HGF: variants seen among roughly 807,000 people sequenced by gnomAD.
HGF encodes the protein hepatocyte growth factor, also known as fibroblast-derived tumor cytotoxic factor.
HGF carries 39 observed loss-of-function variants against 111.6 expected under a neutral mutation model. That is an observed-to-expected ratio of 0.35 (90% CI 0.27 to 0.46). The LOEUF (loss-of-function observed/expected upper bound fraction) is 0.46. HGF is among the 20% of genes least tolerant of loss of function. The pLI is 1.00. For synonymous variants in HGF, 285 were observed against 294.8 expected (o/e 0.97, Z 0.34); for missense variants, 735 against 910.5 (o/e 0.81, Z 2.48).
At chr7:81,706,591 A>G (rs915519509) in intron 14 of HGF, among the ~76,000 whole-genome samples, 164 bp from the exon 15 acceptor site, 1 of 152,086 alleles carries the variant, frequency 6.6e-6, no homozygotes, top group African/African-American at 2.4e-5. Context: ...CAGATTCTGA[A>G]TACTACAAAC....
chr7:81,740,339 A>G (rs1787963228), intron 7 of HGF, among the ~76,000 whole-genome samples: 1 of 152,204 alleles, frequency 6.6e-6, no homozygotes, highest in Non-Finnish European at 1.5e-5. Flanking sequence ...CGAATAAAAA[A>G]TAATAATTAA....
chr7:81,751,908 T>G, intron 5 of HGF: 1 of 1,388,744 alleles, frequency 7.2e-7, no homozygotes, highest in Non-Finnish European at 9.3e-7. Flanking sequence ...AAATTCAAAC[T>G]GATAACTCGC....
chr7:81,708,178 G>A (rs924489384), intron 13 of HGF, among the ~76,000 whole-genome samples: 1 of 152,014 alleles, frequency 6.6e-6, no homozygotes, highest in Non-Finnish European at 1.5e-5. Flanking sequence ...GTTATTTATG[G>A]CCTTTACCAC....
At position 81,743,382 on chromosome 7, in the gene HGF, C is replaced by A. The variant is rs371502313; in HGVS notation, c.836G>T (p.Arg279Leu). The A allele has an allele frequency of 5.6e-6, 9 of 1,610,394 alleles. No homozygotes were observed. The highest frequency in any genetic ancestry group is 2.2e-5 in the South Asian group (2 of 90,988). The change falls in exon 7 of 18, where the codon CGC becomes CTC. Residue 279 changes from arginine to leucine, a missense_variant. Around this residue, in one of 3 missense-constraint regions of HGF, gnomAD observed 553 missense variants for 685.6 expected, o/e 0.81. Transcript: ENST00000222390. ...PWCYTLDPHT[R>L]WEYCAIKTCA... ...TGTTTTAATTGCACAGTACTCCCAG[C>A]GGGTGTGAGGGTCAAGAGTATAGCA... is the stretch of plus-strand genomic sequence containing the variant.
Position 81,743,937 on chromosome 7 carries a change from G to C in HGF, c.747-466C>G, listed in dbSNP as rs1286517342. On this transcript the variant is annotated intron_variant, in intron 6 of 17. Transcript: ENST00000222390. ...CATGCCCTCACCTTCACCAGATCAT[G>C]AGACAAACTTCATCACACTACTTTC... Among the ~76,000 whole-genome samples the C allele has an allele frequency of 2.0e-5, 3 of 152,136 alleles. No individual in the cohort carries two copies. The East Asian group carries it at 5.8e-4, about 29-fold the overall frequency.
intron 14 of HGF, among the ~76,000 whole-genome samples, chr7:81,707,014 T>G (rs955765286): frequency 4.0e-5 from 6 of 151,648 alleles, no homozygotes; most frequent in East Asian, 3.9e-4. Flanking sequence ...AGGGTACAAG[T>G]AGAAAGTTGG....
intron 7 of HGF, among the ~76,000 whole-genome samples, chr7:81,732,312 G>A (rs555920717): frequency 2.6e-5 from 4 of 152,224 alleles, no homozygotes; most frequent in South Asian, 2.1e-4. Flanking sequence ...TTAAGGATTC[G>A]AACATTGTTG....
chr7:81,761,719 A>C (rs2116230671), intron 2 of HGF, among the ~76,000 whole-genome samples: 1 of 148,774 alleles, frequency 6.7e-6, no homozygotes, highest in Admixed American at 6.8e-5. Context: ...TTCTGGGATC[A>C]CTGGCAAAGT....
rs574028648 is a variant in HGF, at chr7:81,701,773, A to C, written c.*808T>G. 2.6e-5 allele frequency: 4 copies of C among 151,650 alleles called. No homozygotes were observed. The highest frequency in any genetic ancestry group is 5.9e-5 in the Non-Finnish European group (4 of 67,700). The allele number at this position is 151,650 out of a possible 1,614,324, so 9.4% of individuals were successfully genotyped here. A position where few individuals can be genotyped will look rare whatever the true frequency, so the allele number is the denominator to read the frequency against. ...ACTAGGATAATGAATACATGTAAAC[A>C]CCTAGATTAGGTGTTATTTAACTCT... On this transcript the variant is annotated 3_prime_UTR_variant, in exon 18 of 18. Coordinates refer to ENST00000222390, the MANE Select transcript of HGF (RefSeq NM_000601.6).
intron 15 of HGF, among the ~76,000 whole-genome samples, 165 bp from the exon 16 acceptor site, chr7:81,705,918 T>C (rs1287515684): frequency 2.0e-5 from 3 of 151,522 alleles, no homozygotes; most frequent in African/African-American, 2.4e-5. Flanking sequence ...ATGATGACAT[T>C]TGGAATAGGT....
At chr7:81,727,113 T>G (rs1203818958) in intron 8 of HGF, among the ~76,000 whole-genome samples, 2 of 151,322 alleles carry the variant, frequency 1.3e-5, no homozygotes, top group Non-Finnish European at 2.9e-5. Context: ...TGATATCGGC[T>G]CACTGCAAGC....
intron 3 of HGF, 113 bp downstream of exon 3, chr7:81,758,579 A>G: frequency 5.7e-6 from 4 of 698,502 alleles, no homozygotes; most frequent in Admixed American, 2.2e-5. Context: ...TACATAAAAT[A>G]TCTCATATAT....
chr7:81,743,402 A>G lies in HGF; in HGVS notation c.816T>C (p.Tyr272=). The change falls in exon 7 of 18, where the codon TAT becomes TAC. Residue 272 remains tyrosine (Y), a synonymous_variant. Coordinates refer to ENST00000222390, the MANE Select transcript of HGF (RefSeq NM_000601.6). Reference sequence around the variant, plus strand: ...CCCAGCGGGTGTGAGGGTCAAGAGTATAGCACCATGGCCTCGGCTGGCCAT... The same window carrying G: ...CCCAGCGGGTGTGAGGGTCAAGAGTGTAGCACCATGGCCTCGGCTGGCCAT... The part of the protein sequence containing the change: ...NPDGQPRPWC[Y]TLDPHTRWEY... The G allele has an allele frequency of 2.5e-6, 4 of 1,613,840 alleles. No individual in the cohort carries two copies. The highest frequency in any genetic ancestry group is 3.4e-6 in the Non-Finnish European group (4 of 1,179,724).
At chr7:81,755,022 G>T (rs1583997633) in intron 4 of HGF, 1 of 151,994 alleles carries the variant, frequency 6.6e-6, no homozygotes, top group Non-Finnish European at 1.5e-5. Context: ...ATATAAACTA[G>T]GTCTTCTAGG....
At chr7:81,715,261 T>C (rs886765298) in intron 11 of HGF, among the ~76,000 whole-genome samples, 1 of 152,122 alleles carries the variant, frequency 6.6e-6, no homozygotes, top group Non-Finnish European at 1.5e-5. Flanking sequence ...CACCATTATA[T>C]ATTCTATGAG....
At chr7:81,720,959 G>C (rs1562878811) in intron 9 of HGF, 112 bp from the exon 10 acceptor site, 2 of 710,414 alleles carry the variant, frequency 2.8e-6, no homozygotes, top group South Asian at 3.0e-5. Flanking sequence ...TAAAGTACTT[G>C]AAAGGGCTGG....
chr7:81,714,006 G>C, intron 11 of HGF, among the ~76,000 whole-genome samples: 1 of 151,570 alleles, frequency 6.6e-6, no homozygotes, highest in South Asian at 2.1e-4. Flanking sequence ...GTGTGTGTGT[G>C]TGTGTGTGTG....
chr7:81,743,612 G>T, intron 6 of HGF, 141 bp from the exon 7 acceptor site: 1 of 733,152 alleles, frequency 1.4e-6, no homozygotes, highest in South Asian at 1.5e-5. Context: ...GCCTTACGAG[G>T]ACTGCTGATC....
intron 7 of HGF, chr7:81,736,689 T>A (rs374871301): frequency 7.9e-5 from 37 of 470,008 alleles, no homozygotes; most frequent in African/African-American, 7.3e-4. Flanking sequence ...AAAGAGACTA[T>A]AATGAGAACA....
Sources: gnomAD v4.1 joint callset for allele counts (sites outside exome capture counted in the v4.1 genomes callset) on GRCh38, gnomAD v4.1.1 for gene constraint, gnomAD v4.1.1 regional missense constraint, MANE v1.5 for transcripts, NCBI Gene and HGNC (gene_info 2026-07-23, HGNC 2026-07-21) for gene names.